Variants in CCDC66 observed in about 807,000 individuals in gnomAD.
CCDC66 encodes the protein coiled-coil domain containing 66, also known as coiled-coil domain-containing protein 66.
Under a neutral mutation model 128.3 loss-of-function variants are expected in CCDC66, and 133 were observed. The ratio of observed to expected loss-of-function variants is 1.04; its 90% CI spans 0.90 to 1.20. The LOEUF (loss-of-function observed/expected upper bound fraction) is 1.20, where lower values mean the gene tolerates loss of function less well. CCDC66 is among the 50% of genes most tolerant of loss of function. The pLI, the probability that CCDC66 is intolerant of heterozygous loss-of-function variation, is 0.00. For missense variants in CCDC66, 1,126 were observed against 1,075.5 expected (o/e 1.05, Z -0.66); for synonymous variants, 387 against 357.0 (o/e 1.08, Z -0.95).
In CCDC66 at chr3:56,597,828, G is replaced by A. The variant is rs576914875; in HGVS notation, c.1404+3800G>A. 2.5e-5 allele frequency among the ~76,000 whole-genome samples: 3 copies of A among 120,004 alleles called. 1 individual carries two copies. In the South Asian group the frequency reaches 8.9e-4, roughly 35 times the overall value. The allele number at this position is 120,004 out of a possible 152,430, so 78.7% of individuals were successfully genotyped here. ...CTCGCTCTGTTGCCTAGGCTGGAGT[G>A]CAGTGGCGCGATCTCATCCCACTGC... On this transcript the variant is annotated intron_variant, in intron 10 of 17. Coordinates refer to ENST00000394672, the MANE Select transcript of CCDC66 (RefSeq NM_001141947.3).
chr3:56,588,160 G>C (rs2070156203), intron 7 of CCDC66, among the ~76,000 whole-genome samples: 1 of 152,226 alleles, frequency 6.6e-6, no homozygotes, highest in Non-Finnish European at 1.5e-5. Context: ...CAGCAACCTG[G>C]ATGGAGTTGG....
chr3:56,562,259 A>G (rs561730835), intron 3 of CCDC66, among the ~76,000 whole-genome samples: 61 of 152,144 alleles, frequency 4.0e-4, no homozygotes, highest in African/African-American at 1.3e-3. Context: ...TGTGTTGCCC[A>G]GGCTTGTCTC....
At chr3:56,567,768 C>T (rs2066064696) in intron 6 of CCDC66, among the ~76,000 whole-genome samples, 1 of 151,800 alleles carries the variant, frequency 6.6e-6, no homozygotes, top group Non-Finnish European at 1.5e-5. Flanking sequence ...TCTCGGCTCA[C>T]TGCAAGCTCC....
intron 4 of CCDC66, among the ~76,000 whole-genome samples, chr3:56,566,306 G>C (rs2065851776): frequency 6.6e-6 from 1 of 151,954 alleles, no homozygotes; most frequent in Admixed American, 6.6e-5. Flanking sequence ...TGTAATTTTT[G>C]TAGAGACGAG....
intron 6 of CCDC66, among the ~76,000 whole-genome samples, chr3:56,567,892 G>C (rs189250058): frequency 3.1e-4 from 47 of 151,914 alleles, no homozygotes; most frequent in Non-Finnish European, 2.6e-4. Context: ...GGGTTTCACT[G>C]TGTTAGCCAG....
chr3:56,586,912 C>T lies in CCDC66; in HGVS notation c.937-6058C>T, dbSNP rs1353444773. Among the ~76,000 whole-genome samples, 7 of 151,730 alleles carry T rather than the reference C, an allele frequency of 4.6e-5. 1 individual carries two copies. Among genetic ancestry groups the T allele is most frequent in the Admixed American group, 2.0e-4 (3 of 15,086 alleles). On this transcript the variant is annotated intron_variant, in intron 7 of 17. Coordinates refer to ENST00000394672, the MANE Select transcript of CCDC66 (RefSeq NM_001141947.3). Reference sequence around the variant, plus strand: ...AACACAAAAAAACTAAAAAATTAGCCGAGCATGGTGGGATGTTCCTGTAGT... The same window carrying T: ...AACACAAAAAAACTAAAAAATTAGCTGAGCATGGTGGGATGTTCCTGTAGT...
intron 10 of CCDC66, among the ~76,000 whole-genome samples, chr3:56,597,267 T>A (rs2072156052): frequency 1.3e-5 from 2 of 152,118 alleles, no homozygotes; most frequent in South Asian, 4.1e-4. Context: ...TATGTCTGTT[T>A]TTATACCAAT....
rs115085032 is a variant in CCDC66, at chr3:56,560,285, T to A, written c.102+691T>A. Among the ~76,000 whole-genome samples the A allele has an allele frequency of 3.8e-3, 577 of 152,254 alleles. 6 individuals carry two copies. The highest frequency in any genetic ancestry group is 0.013 in the African/African-American group (560 of 41,550). ...CTCACTCTTGTCACCCAGGTTGGAG[T>A]GTAGTGGCATAATCATGGCTGCAGA... is the stretch of plus-strand genomic sequence containing the variant. On this transcript the variant is annotated intron_variant, in intron 3 of 17. Coordinates refer to ENST00000394672, the MANE Select transcript of CCDC66 (RefSeq NM_001141947.3).
Position 56,566,930 on chromosome 3 carries a change from T to C in CCDC66, c.711-20T>C, listed in dbSNP as rs371241691. 91 of 1,588,648 alleles carry C rather than the reference T, an allele frequency of 5.7e-5. 1 individual carries two copies. Among genetic ancestry groups the C allele is most frequent in the South Asian group, 5.4e-4 (48 of 89,656 alleles). On this transcript the variant is annotated intron_variant, in intron 5 of 17. Transcript: ENST00000394672. ...GAAATGTATGATACAGTTTCTGTTA[T>C]CTTTTGTGTTTTACCTTAGAGAGAA...
rs1281379939 is a variant in CCDC66 at position 56,616,002 on chromosome 3, A to C, written c.1792A>C (p.Asn598His). The change falls in exon 13 of 18, where the codon AAT becomes CAT. Residue 598 changes from asparagine (N) to histidine (H), a missense_variant. Coordinates refer to ENST00000394672, the MANE Select transcript of CCDC66 (RefSeq NM_001141947.3). ...TTCTGATGAAATCAGTGGTAAAATG[A>C]ATACATATATGAATTCTACGACTTC... is the stretch of plus-strand genomic sequence containing the variant. ...HDSDEISGKM[N>H]TYMNSTTSKK... 1 of 1,586,086 alleles carries C rather than the reference A, an allele frequency of 6.3e-7. No individual in the cohort carries two copies. Among genetic ancestry groups the C allele is most frequent in the Admixed American group, 1.8e-5 (1 of 56,268 alleles).
intron 11 of CCDC66, among the ~76,000 whole-genome samples, chr3:56,614,432 A>C (rs1475881595): frequency 2.0e-5 from 3 of 152,204 alleles, no homozygotes; most frequent in Non-Finnish European, 4.4e-5. Context: ...AGGAACATAC[A>C]TTTGCAGAAT....
In CCDC66 at chr3:56,563,924, A is replaced by G. The variant is rs1234172301; in HGVS notation, c.343A>G (p.Thr115Ala). The G allele has an allele frequency of 1.2e-6, 2 of 1,613,664 alleles. No individual in the cohort carries two copies. Among genetic ancestry groups the G allele is most frequent in the Admixed American group, 1.7e-5 (1 of 59,990 alleles). Residue 115 changes from threonine (T) to alanine (A), a missense_variant, in exon 4 of 18, where the codon ACC becomes GCC. Thr to Ala is a moderately conservative substitution (Grantham distance 58, BLOSUM62 0). Transcript: ENST00000394672. ...LHIQKEISPATPNMQKTRNTV... is the reference protein window; with the variant it reads ...LHIQKEISPAAPNMQKTRNTV... Reference sequence around the variant, plus strand: ...TATCCAGAAAGAGATTTCACCTGCAACCCCTAATATGCAGAAGACTAGAAA... The same window carrying G: ...TATCCAGAAAGAGATTTCACCTGCAGCCCCTAATATGCAGAAGACTAGAAA...
intron 7 of CCDC66, among the ~76,000 whole-genome samples, chr3:56,584,767 C>T (rs576989203): frequency 1.3e-5 from 2 of 151,896 alleles, no homozygotes; most frequent in Non-Finnish European, 2.9e-5. Context: ...TTGTAGCTAG[C>T]CGAGATCACT....
intron 7 of CCDC66, among the ~76,000 whole-genome samples, chr3:56,577,322 G>A (rs548082711): frequency 5.6e-4 from 84 of 151,086 alleles, no homozygotes; most frequent in African/African-American, 1.9e-3. Flanking sequence ...CTGGATATTA[G>A]CCCTTTGTCA....
chr3:56,607,771 G>A lies in CCDC66; in HGVS notation c.1405-5818G>A, dbSNP rs143296186. Among the ~76,000 whole-genome samples the A allele has an allele frequency of 8.9e-3, 1,353 of 152,244 alleles. 13 individuals are homozygous for A. The highest frequency in any genetic ancestry group is 0.017 in the Middle Eastern group (5 of 294). ...CCCCATTCAGTATTATGTTGGCTGT[G>A]GGTTTGTCATAGATTGCTTTTATTA... On this transcript the variant is annotated intron_variant, in intron 10 of 17. Transcript: ENST00000394672.
At chr3:56,558,154 C>T (rs1026390446) in intron 1 of CCDC66, among the ~76,000 whole-genome samples, 1 of 152,150 alleles carries the variant, frequency 6.6e-6, no homozygotes, top group Non-Finnish European at 1.5e-5. Context: ...CAGACCTTTC[C>T]CAGCCTCTCT....
In CCDC66 at chr3:56,582,847, TC is replaced by T. The variant is rs201889819; in HGVS notation, c.937-10122del. Among the ~76,000 whole-genome samples, 1,093 of 122,012 alleles carry T rather than the reference TC, an allele frequency of 9.0e-3. 15 individuals carry two copies. The highest frequency in any genetic ancestry group is 0.043 in the South Asian group (138 of 3,232). The allele number at this position is 122,012 out of a possible 152,430, so 80.0% of individuals were successfully genotyped here. A position where few individuals can be genotyped will look rare whatever the true frequency, so the allele number is the denominator to read the frequency against. ...TTTCCCTTTTTTGACTTCTCAACTT[TC>T]TTTATTATTATTATTATTATTATTA... On this transcript the variant is annotated intron_variant, in intron 7 of 17. Transcript: ENST00000394672.
At chr3:56,599,800 A>G (rs927045536) in intron 10 of CCDC66, among the ~76,000 whole-genome samples, 2 of 152,124 alleles carry the variant, frequency 1.3e-5, no homozygotes, top group African/African-American at 2.4e-5. Flanking sequence ...GTGTCCTAAC[A>G]TATGATCTGT....
Position 56,619,890 on chromosome 3 carries a change from G to C in CCDC66, c.2749G>C (p.Glu917Gln). 1.2e-6 allele frequency: 2 copies of C among 1,613,880 alleles called. No homozygotes were observed. Among genetic ancestry groups the C allele is most frequent in the Non-Finnish European group, 1.7e-6 (2 of 1,179,884 alleles). Residue 917 changes from glutamate to glutamine, a missense_variant, in exon 17 of 18, where the codon GAA (glutamate) becomes CAA (glutamine). Glu to Gln is a conservative substitution (Grantham distance 29). Transcript: ENST00000394672. ...GCAAGCAATCCTTAAGGGACTTTCA[G>C]AACTGAGACAGGTATGAGCTTTTTC... ...RQQAILKGLS[E>Q]LRQGLLQKQK...
Sources: gnomAD v4.1 joint callset for allele counts (sites outside exome capture counted in the v4.1 genomes callset) on GRCh38, gnomAD v4.1.1 for gene constraint, MANE v1.5 for transcripts, NCBI Gene and HGNC (gene_info 2026-07-23, HGNC 2026-07-21) for gene names.